HEPHL1: variants seen among roughly 807,000 people sequenced by gnomAD.
HEPHL1 encodes hephaestin like 1, also known as ferroxidase HEPHL1.
HEPHL1 carries 123 observed loss-of-function variants against 122.0 expected under a neutral mutation model. The observed-to-expected ratio is 1.01, with a 90% CI of 0.87 to 1.17. HEPHL1 has a LOEUF of 1.17. Ranked by LOEUF, HEPHL1 falls within the 50% of genes most tolerant of loss-of-function variation. HEPHL1 has a pLI of 0.00. For synonymous variants in HEPHL1, 527 were observed against 508.9 expected, an observed-to-expected ratio of 1.04 and a Z score of -0.48; for missense variants, 1,452 against 1,430.5, an observed-to-expected ratio of 1.01 and a Z score of -0.24.
At position 94,088,785 on chromosome 11, in the gene HEPHL1, C is replaced by A; in HGVS notation, c.2111C>A (p.Pro704His). ...GIFRVFCATM[P>H]HLSRGMGQIY... ...TTTAGGGTGTTTTGTGCCACCATGC[C>A]CCACCTCTCGAGAGGCATGGGTCAG... Residue 704 changes from proline to histidine, a missense_variant, in exon 12 of 20, where the codon CCC (proline) becomes CAC (histidine). Coordinates refer to ENST00000315765, the MANE Select transcript of HEPHL1 (RefSeq NM_001098672.2). The A allele has an allele frequency of 6.2e-7, 1 of 1,613,842 alleles. No individual in the cohort carries two copies. Among genetic ancestry groups the A allele is most frequent in the Non-Finnish European group, 8.5e-7 (1 of 1,179,842 alleles).
intron 13 of HEPHL1, among the ~76,000 whole-genome samples, chr11:94,095,750 G>T (rs925702969): frequency 6.6e-6 from 1 of 152,168 alleles, no homozygotes; most frequent in African/African-American, 2.4e-5. Flanking sequence ...TCCCTTGTAA[G>T]TTGGATTCCT....
At chr11:94,094,147 C>A (rs1026581959) in intron 13 of HEPHL1, among the ~76,000 whole-genome samples, 50 of 151,384 alleles carry the variant, frequency 3.3e-4, no homozygotes, top group Non-Finnish European at 6.0e-4. Flanking sequence ...ATCCCTCACC[C>A]CTGCCCCTAC....
intron 8 of HEPHL1, among the ~76,000 whole-genome samples, chr11:94,074,587 G>C (rs1470745873): frequency 6.6e-6 from 1 of 152,074 alleles, no homozygotes; most frequent in Non-Finnish European, 1.5e-5. Flanking sequence ...TTGTCTAGTA[G>C]GAAAGAATCA....
intron 5 of HEPHL1, 49 bp from the exon 6 acceptor site, chr11:94,070,325 C>A: frequency 6.5e-7 from 1 of 1,528,290 alleles, no homozygotes; most frequent in Non-Finnish European, 8.8e-7. Flanking sequence ...TATATGATTC[C>A]TTTTGTGATC....
intron 12 of HEPHL1, among the ~76,000 whole-genome samples, chr11:94,090,138 A>G (rs1048752652): frequency 6.6e-6 from 1 of 152,058 alleles, no homozygotes; most frequent in African/African-American, 2.4e-5. Context: ...CCTTAAGAAC[A>G]GGAGAATTTT....
chr11:94,048,535 A>T (rs943588631), intron 2 of HEPHL1, among the ~76,000 whole-genome samples: 2 of 151,740 alleles, frequency 1.3e-5, no homozygotes, highest in African/African-American at 4.8e-5. Context: ...AATTTTTAAA[A>T]TTTTTTCATA....
chr11:94,095,148 A>G (rs1295647243), intron 13 of HEPHL1, among the ~76,000 whole-genome samples: 3 of 152,136 alleles, frequency 2.0e-5, no homozygotes, highest in Admixed American at 1.3e-4. Context: ...TTAAGTCTTT[A>G]ATCAATCTTG....
At chr11:94,045,982 T>G in intron 2 of HEPHL1, 65 bp downstream of exon 2, 2 of 1,490,500 alleles carry the variant, frequency 1.3e-6, no homozygotes, top group East Asian at 4.5e-5. Flanking sequence ...ACTGTCAGAG[T>G]TAAAGAGATT....
At chr11:94,051,603 GTTGA>G (rs1945890924) in intron 2 of HEPHL1, among the ~76,000 whole-genome samples, 1 of 152,012 alleles carries the variant, frequency 6.6e-6, no homozygotes, top group African/African-American at 2.4e-5. Context: ...TCTTCACTTT[GTTGA>G]TTGTTTCCTT....
chr11:94,021,992 G>A (rs1219673060), intron 1 of HEPHL1, among the ~76,000 whole-genome samples: 2 of 152,154 alleles, frequency 1.3e-5, no homozygotes, highest in East Asian at 1.9e-4. Flanking sequence ...GTTTTTCAAC[G>A]TTTAAAAGAG....
chr11:94,093,524 G>A lies in HEPHL1; in HGVS notation c.2318G>A (p.Arg773His), dbSNP rs200582066. Reference sequence around the variant, plus strand: ...AGACATGGAGATATATTTATGAACCGCACTGAAAATTGGATTGGCTCTCAG... The same window carrying A: ...AGACATGGAGATATATTTATGAACCACACTGAAAATTGGATTGGCTCTCAG... ...GERHGDIFMN[R>H]TENWIGSQYK... is the part of the protein sequence containing the mutation. The change falls in exon 13 of 20, where the codon CGC (arginine) becomes CAC (histidine). Residue 773 changes from arginine (R) to histidine (H), a missense_variant. Arg to His is a conservative substitution (Grantham distance 29, BLOSUM62 0). Transcript: ENST00000315765. The A allele has an allele frequency of 3.0e-4, 485 of 1,613,236 alleles. 4 individuals are homozygous for A. Among genetic ancestry groups the A allele is most frequent in the South Asian group, 2.8e-3 (257 of 90,986 alleles).
At chr11:94,044,110 A>G (rs1171970661) in intron 1 of HEPHL1, among the ~76,000 whole-genome samples, 5 of 151,554 alleles carry the variant, frequency 3.3e-5, no homozygotes, top group African/African-American at 1.2e-4. Flanking sequence ...CTAGGATGGG[A>G]GCTCCAAGCC....
chr11:94,101,318 T>A lies in HEPHL1; in HGVS notation c.2558T>A (p.Val853Glu), dbSNP rs1946365731. Residue 853 changes from valine to glutamate, a missense_variant, in exon 14 of 20, where the codon GTG becomes GAG. Physicochemically the swap from Val to Glu is moderately radical, Grantham distance 121 (BLOSUM62 -2). Coordinates refer to ENST00000315765, the MANE Select transcript of HEPHL1 (RefSeq NM_001098672.2). ...ATGGATAGTGGAAAGCAATTCCAAG[T>A]GCCCATGACAAAACCAGGTAAGTTG... ...EEMDSGKQFQ[V>E]PMTKPGEVKT... is the part of the protein sequence containing the mutation. 1.2e-6 allele frequency: 2 copies of A among 1,612,708 alleles called. No individual in the cohort carries two copies. Among genetic ancestry groups the A allele is most frequent in the Non-Finnish European group, 1.7e-6 (2 of 1,179,192 alleles).
rs1946111495 is a variant in HEPHL1, at chr11:94,075,279, C to T, written c.1610C>T (p.Thr537Ile). 1 of 1,613,494 alleles carries T rather than the reference C, an allele frequency of 6.2e-7. No homozygotes were observed. Among genetic ancestry groups the T allele is most frequent in the Non-Finnish European group, 8.5e-7 (1 of 1,179,610 alleles). Residue 537 changes from threonine to isoleucine, a missense_variant, in exon 9 of 20, where the codon ACC becomes ATC. Coordinates refer to ENST00000315765, the MANE Select transcript of HEPHL1 (RefSeq NM_001098672.2). ...SPTAGDPPCL[T>I]YLYFSAVDPI... The stretch of plus-strand genomic sequence containing the variant: ...ACTGCTGGTGATCCTCCCTGTCTGA[C>T]CTATCTTTACTTCTCAGCAGTTGAT...
intron 9 of HEPHL1, among the ~76,000 whole-genome samples, chr11:94,077,976 TACC>T (rs2134436734): frequency 6.6e-6 from 1 of 152,278 alleles, no homozygotes; most frequent in South Asian, 2.1e-4. Flanking sequence ...TACTATCACT[TACC>T]ACCATAAGAC....
intron 13 of HEPHL1, 69 bp from the exon 14 acceptor site, chr11:94,101,126 C>T: frequency 6.6e-7 from 1 of 1,525,438 alleles, no homozygotes; most frequent in Non-Finnish European, 9.0e-7. Flanking sequence ...CTAACTACTG[C>T]CTATATTTAA....
chr11:94,105,791 C>T lies in HEPHL1; in HGVS notation c.2906-200C>T, dbSNP rs1946403155. ...GCTTTAAAACTGCTATTTCTCTGTT[C>T]TCGCTCTCTTTGTAGAAGGATTTCT... On this transcript the variant is annotated intron_variant, in intron 16 of 19. Transcript: ENST00000315765. 4.6e-5 allele frequency among the ~76,000 whole-genome samples: 7 copies of T among 152,116 alleles called. No homozygotes were observed. In the South Asian group the frequency reaches 1.5e-3, roughly 32 times the overall value.
intron 17 of HEPHL1, among the ~76,000 whole-genome samples, chr11:94,110,092 T>C (rs1424230732): frequency 6.6e-6 from 1 of 152,222 alleles, no homozygotes; most frequent in African/African-American, 2.4e-5. Context: ...ACCATCTAAG[T>C]TGTACAATTT....
rs146768356 is a variant in HEPHL1, at chr11:94,058,057, A to G, written c.416-5451A>G. On this transcript the variant is annotated intron_variant, in intron 2 of 19. Transcript: ENST00000315765. ...TTTTTATTTTTAAGCCTGGCTTCTG[A>G]GAGGTCATTCCTATGTCTGCTTAGC... is the stretch of plus-strand genomic sequence containing the variant. Among the ~76,000 whole-genome samples the G allele has an allele frequency of 1.2e-3, 183 of 152,088 alleles. 1 individual carries two copies. The highest frequency in any genetic ancestry group is 4.1e-3 in the African/African-American group (172 of 41,510).
Sources: gnomAD v4.1 joint callset for allele counts (sites outside exome capture counted in the v4.1 genomes callset) on GRCh38, gnomAD v4.1.1 for gene constraint, MANE v1.5 for transcripts, NCBI Gene and HGNC (gene_info 2026-07-23, HGNC 2026-07-21) for gene names.